KCTD5: variants seen among roughly 807,000 people sequenced by gnomAD.
KCTD5 encodes BTB/POZ domain-containing protein KCTD5.
In KCTD5, 12 loss-of-function variants were observed where a neutral mutation model predicts 27.9. The observed-to-expected ratio is 0.43, with a 90% CI of 0.28 to 0.70. The LOEUF (loss-of-function observed/expected upper bound fraction) is 0.70, where lower values mean the gene tolerates loss of function less well. Ranked by LOEUF, KCTD5 falls within the 30% of genes least tolerant of loss-of-function variation. The probability of loss-of-function intolerance (pLI) is 0.19; values close to 1 mark genes in which losing one functional copy is unlikely to be tolerated. For missense variants in KCTD5, 226 were observed against 274.8 expected (o/e 0.82, Z 1.26); for synonymous variants, 147 against 121.4 (o/e 1.21, Z -1.39).
chr16:2,702,072 C>T (rs562883640), intron 4 of KCTD5, among the ~76,000 whole-genome samples: 75 of 152,324 alleles, frequency 4.9e-4, no homozygotes, highest in East Asian at 4.2e-3. Context: ...GTGCTCCGTC[C>T]CCCTGGGGCA....
At chr16:2,706,468 G>T (rs1245071306) in intron 5 of KCTD5, among the ~76,000 whole-genome samples, 1 of 152,162 alleles carries the variant, frequency 6.6e-6, no homozygotes, top group African/African-American at 2.4e-5. Context: ...TCGGGAGCGT[G>T]GGGTGATTTC....
At chr16:2,688,228 A>AATAAATAAATATATATAT (rs1555454256) in intron 1 of KCTD5, among the ~76,000 whole-genome samples, 3 of 84,630 alleles carry the variant, frequency 3.5e-5, no homozygotes, top group African/African-American at 1.2e-4. Context: ...TAAATAAATA[A>AATAAATAAATATATATAT]ATATATATAT....
At position 2,702,575 on chromosome 16, in the gene KCTD5, C is replaced by T; in HGVS notation, c.675+97C>T. ...CCTTTTCTGCCATTCTCATCAAGCT[C>T]CCGGTGTCCGCCCCTGGTGGCCTTG... On this transcript the variant is annotated intron_variant, in intron 5 of 5. Coordinates refer to ENST00000301738, the MANE Select transcript of KCTD5 (RefSeq NM_018992.4). The T allele has an allele frequency of 1.3e-5, 20 of 1,482,604 alleles. 1 individual carries two copies. The South Asian group carries it at 2.2e-4, about 16-fold the overall frequency. 91.8% of individuals were successfully genotyped at this position (1,482,604 alleles called of 1,614,324 possible).
At chr16:2,696,731 C>T (rs2067587769) in intron 2 of KCTD5, among the ~76,000 whole-genome samples, 1 of 152,274 alleles carries the variant, frequency 6.6e-6, no homozygotes, top group Non-Finnish European at 1.5e-5. Flanking sequence ...CGTTTCTGTT[C>T]TGGGCCTCTG....
intron 2 of KCTD5, among the ~76,000 whole-genome samples, chr16:2,697,545 G>C (rs2067591762): frequency 6.6e-6 from 1 of 152,250 alleles, no homozygotes; most frequent in African/African-American, 2.4e-5. Flanking sequence ...GAAAATGCCA[G>C]ATCCAACCCC....
In KCTD5 at chr16:2,707,712, C is replaced by T. The variant is rs2067643383; in HGVS notation, c.*385C>T. On this transcript the variant is annotated 3_prime_UTR_variant, in exon 6 of 6. Coordinates refer to ENST00000301738, the MANE Select transcript of KCTD5 (RefSeq NM_018992.4). ...CAGCCTGGGCTTCACTGGCAGGAAG[C>T]GGCCGCAGCCGCGTCAGTGTCCAGC... 2.0e-6 allele frequency: 1 copy of T among 494,756 alleles called. No individual in the cohort carries two copies. The allele number at this position is 494,756 out of a possible 1,614,324, so 30.6% of individuals were successfully genotyped here.
chr16:2,688,538 T>TA (rs1179728498), intron 1 of KCTD5, among the ~76,000 whole-genome samples: 4 of 151,434 alleles, frequency 2.6e-5, no homozygotes, highest in Admixed American at 6.6e-5. Flanking sequence ...GGTGTGAGTG[T>TA]ACTTTACTTT....
intron 5 of KCTD5, among the ~76,000 whole-genome samples, chr16:2,706,243 C>T (rs2067635285): frequency 6.6e-6 from 1 of 152,160 alleles, no homozygotes; most frequent in Admixed American, 6.5e-5. Flanking sequence ...GACGTGGCCT[C>T]CAGGAGCCTT....
In KCTD5 at chr16:2,702,752, A is replaced by G. The variant is rs2067618160; in HGVS notation, c.675+274A>G. Among the ~76,000 whole-genome samples the G allele has an allele frequency of 2.0e-5, 3 of 152,054 alleles. No individual in the cohort carries two copies. The South Asian group carries it at 6.2e-4, about 32-fold the overall frequency. ...GGCCATGCTCTTAGGAATGCCACTG[A>G]GGGCTGTGTCTCAGGGGACCCAGGG... On this transcript the variant is annotated intron_variant, in intron 5 of 5. Coordinates refer to ENST00000301738, the MANE Select transcript of KCTD5 (RefSeq NM_018992.4).
intron 5 of KCTD5, among the ~76,000 whole-genome samples, chr16:2,704,163 T>C (rs886301181): frequency 9.9e-5 from 15 of 152,156 alleles, no homozygotes; most frequent in African/African-American, 3.1e-4. Context: ...TGCTCTGAAG[T>C]GGGGCAGCTA....
intron 2 of KCTD5, among the ~76,000 whole-genome samples, chr16:2,697,513 C>T (rs1176659972): frequency 3.9e-5 from 6 of 152,244 alleles, no homozygotes; most frequent in South Asian, 4.1e-4. Flanking sequence ...CAGCAGGAAG[C>T]GTCGGCCTCC....
chr16:2,696,869 T>C (rs904451619), intron 2 of KCTD5, among the ~76,000 whole-genome samples: 1 of 152,242 alleles, frequency 6.6e-6, no homozygotes, highest in African/African-American at 2.4e-5. Context: ...TGGCAGGGAA[T>C]GTCTTTCACA....
chr16:2,687,104 G>T (rs1224315934), intron 1 of KCTD5, among the ~76,000 whole-genome samples: 1 of 152,216 alleles, frequency 6.6e-6, no homozygotes, highest in Non-Finnish European at 1.5e-5. Context: ...CTTCCCCACT[G>T]CAGCAGGTGC....
intron 4 of KCTD5, among the ~76,000 whole-genome samples, chr16:2,701,370 C>T (rs2067611372): frequency 6.6e-6 from 1 of 152,234 alleles, no homozygotes; most frequent in Non-Finnish European, 1.5e-5. Flanking sequence ...CTGCGGGGTG[C>T]TGGGAGGTGG....
rs56117069 is a variant in KCTD5 at position 2,688,243 on chromosome 16, ATATTTATT to A, written c.252+5461_252+5468del. ...TAAATAAATAAATATATATATATAT[ATATTTATT>A]TATTTATTTATTTATTTGAGACGGA... On this transcript the variant is annotated intron_variant, in intron 1 of 5. Transcript: ENST00000301738. Among the ~76,000 whole-genome samples, 384 of 64,224 alleles carry A rather than the reference ATATTTATT, an allele frequency of 6.0e-3. 1 individual carries two copies. The highest frequency in any genetic ancestry group is 0.011 in the Non-Finnish European group (283 of 26,888). The allele number at this position is 64,224 out of a possible 152,430, so 42.1% of individuals were successfully genotyped here. A position where few individuals can be genotyped will look rare whatever the true frequency, so the allele number is the denominator to read the frequency against.
intron 1 of KCTD5, among the ~76,000 whole-genome samples, chr16:2,687,855 C>T (rs1567193027): frequency 1.3e-5 from 2 of 152,260 alleles, no homozygotes; most frequent in South Asian, 4.1e-4. Context: ...GCCAGCAAGC[C>T]ATCTCTCTCC....
intron 1 of KCTD5, among the ~76,000 whole-genome samples, chr16:2,688,038 G>A (rs1228366780): frequency 1.3e-5 from 2 of 151,784 alleles, no homozygotes; most frequent in African/African-American, 2.4e-5. Context: ...GTGATTTCGT[G>A]CCCCTGTGAG....
chr16:2,690,121 C>T (rs1483263711), intron 1 of KCTD5, among the ~76,000 whole-genome samples: 4 of 152,244 alleles, frequency 2.6e-5, no homozygotes, highest in Non-Finnish European at 4.4e-5. Context: ...ATGAGCAGAG[C>T]GGCCAGTCTT....
At chr16:2,692,201 G>A (rs975822725) in intron 1 of KCTD5, among the ~76,000 whole-genome samples, 1 of 152,184 alleles carries the variant, frequency 6.6e-6, no homozygotes, top group Non-Finnish European at 1.5e-5. Flanking sequence ...CTGCTGATAC[G>A]GTGTCTTTAG....
Sources: allele counts gnomAD v4.1 joint callset (sites outside exome capture counted in the v4.1 genomes callset), GRCh38; gene constraint gnomAD v4.1.1; transcripts MANE v1.5; gene names NCBI Gene and HGNC (gene_info 2026-07-23, HGNC 2026-07-21).